CAPZA1: variants seen among roughly 807,000 people sequenced by gnomAD.
The protein encoded by CAPZA1 is F-actin-capping protein subunit alpha-1.
A neutral mutation model predicts 40.8 loss-of-function variants in CAPZA1; 10 were observed. The ratio of observed to expected loss-of-function variants is 0.25; its 90% CI spans 0.15 to 0.42. CAPZA1 has a LOEUF of 0.42. Ranked by LOEUF, CAPZA1 falls within the 10% of genes least tolerant of loss-of-function variation. CAPZA1 has a pLI of 1.00. For synonymous variants in CAPZA1, 98 were observed against 115.0 expected (o/e 0.85, Z 0.95); for missense variants, 277 against 353.8 (o/e 0.78, Z 1.74).
At chr1:112,669,935 T>C (rs563996968) in intron 9 of CAPZA1, 57 bp from the exon 10 acceptor site, 1 of 1,600,374 alleles carries the variant, frequency 6.2e-7, no homozygotes, top group African/African-American at 1.3e-5. Context: ...ATTACTTTTC[T>C]GTTCACAACC....
intron 7 of CAPZA1, among the ~76,000 whole-genome samples, chr1:112,664,859 G>T (rs974909788): frequency 6.6e-6 from 1 of 152,042 alleles, no homozygotes; most frequent in Admixed American, 6.6e-5. Flanking sequence ...CACTTAAAGC[G>T]GGGAATCGGA....
chr1:112,639,981 C>A (rs1671108586), intron 1 of CAPZA1, among the ~76,000 whole-genome samples: 1 of 133,632 alleles, frequency 7.5e-6, no homozygotes, highest in African/African-American at 2.8e-5. Context: ...CAGCCCCCCG[C>A]CCGGCCAGCC....
At chr1:112,628,672 C>G (rs1247523581) in intron 1 of CAPZA1, among the ~76,000 whole-genome samples, 1 of 152,194 alleles carries the variant, frequency 6.6e-6, no homozygotes, top group Non-Finnish European at 1.5e-5. Context: ...CATTTGTTAT[C>G]ACATTACTAG....
At chr1:112,629,561 A>T (rs116811825) in intron 1 of CAPZA1, among the ~76,000 whole-genome samples, 1 of 152,134 alleles carries the variant, frequency 6.6e-6, no homozygotes, top group Non-Finnish European at 1.5e-5. Flanking sequence ...TCTTGATTTC[A>T]TTGTTAACTC....
intron 1 of CAPZA1, among the ~76,000 whole-genome samples, chr1:112,645,040 T>C (rs1004013529): frequency 2.0e-5 from 3 of 152,220 alleles, no homozygotes; most frequent in African/African-American, 4.8e-5. Context: ...CCTCAGAATA[T>C]AGCACTGAGT....
intron 8 of CAPZA1, among the ~76,000 whole-genome samples, chr1:112,668,981 C>CT (rs762738554): frequency 3.3e-5 from 5 of 152,226 alleles, no homozygotes; most frequent in Non-Finnish European, 7.3e-5. Flanking sequence ...ATCCTACCCT[C>CT]TTCCCTTTAA....
At chr1:112,667,738 C>T (rs900149730) in intron 8 of CAPZA1, among the ~76,000 whole-genome samples, 1 of 151,982 alleles carries the variant, frequency 6.6e-6, no homozygotes, top group Admixed American at 6.6e-5. Context: ...TTCTATGTTG[C>T]TGAGGCTGGT....
intron 7 of CAPZA1, among the ~76,000 whole-genome samples, chr1:112,660,221 G>A (rs184117098): frequency 6.6e-6 from 1 of 152,050 alleles, no homozygotes; most frequent in Admixed American, 6.6e-5. Flanking sequence ...AGAATGGCAG[G>A]TGTTTTGGAA....
At chr1:112,637,553 T>G (rs1671046110) in intron 1 of CAPZA1, among the ~76,000 whole-genome samples, 1 of 152,232 alleles carries the variant, frequency 6.6e-6, no homozygotes, top group Non-Finnish European at 1.5e-5. Flanking sequence ...GCTCAAGTGA[T>G]CCTCCTGCCT....
At chr1:112,640,450 C>A (rs368847117) in intron 1 of CAPZA1, among the ~76,000 whole-genome samples, 2,633 of 130,776 alleles carry the variant, frequency 0.02, 53 homozygotes, top group Middle Eastern at 0.034. Context: ...AAGTGAGGAG[C>A]CCCTCTGCCC....
intron 1 of CAPZA1, among the ~76,000 whole-genome samples, chr1:112,631,659 CA>C (rs1431583263): frequency 6.6e-6 from 1 of 152,210 alleles, no homozygotes; most frequent in African/African-American, 2.4e-5. Context: ...TTTACCCTTT[CA>C]AACTTGACAT....
intron 8 of CAPZA1, among the ~76,000 whole-genome samples, chr1:112,668,728 C>T (rs577911595): frequency 1.1e-4 from 16 of 152,248 alleles, no homozygotes; most frequent in Admixed American, 7.2e-4. Context: ...TCACCTGCCT[C>T]GGCCTCCCAA....
chr1:112,660,284 T>C (rs1421582266), intron 7 of CAPZA1, among the ~76,000 whole-genome samples: 1 of 151,786 alleles, frequency 6.6e-6, no homozygotes, highest in African/African-American at 2.4e-5. Flanking sequence ...GATTGACTGA[T>C]TGATTGATTT....
intron 3 of CAPZA1, 107 bp from the exon 4 acceptor site, chr1:112,653,491 T>G: frequency 1.4e-6 from 1 of 738,306 alleles, no homozygotes; most frequent in Non-Finnish European, 2.2e-6. Flanking sequence ...TATTTTCACA[T>G]TTCCTTTCAC....
chr1:112,650,398 G>A (rs748224781), intron 3 of CAPZA1, among the ~76,000 whole-genome samples: 1 of 152,104 alleles, frequency 6.6e-6, no homozygotes, highest in Non-Finnish European at 1.5e-5. Context: ...AATTGTCATC[G>A]TGAATGATAC....
rs565782566 is a variant in CAPZA1 at position 112,638,418 on chromosome 1, A to C, written c.40-8792A>C. 2.6e-5 allele frequency among the ~76,000 whole-genome samples: 4 copies of C among 152,126 alleles called. No homozygotes were observed. The South Asian group carries it at 6.2e-4, about 24-fold the overall frequency. ...CAACCTCCGTCTCCTGGGTTCAAGC[A>C]GTTCTCCTGCCTCAGCCTCCCGAGT... On this transcript the variant is annotated intron_variant, in intron 1 of 9. Coordinates refer to ENST00000263168, the MANE Select transcript of CAPZA1 (RefSeq NM_006135.3).
rs1265644558 is a variant in CAPZA1, at chr1:112,640,412, G to A, written c.40-6798G>A. Among the ~76,000 whole-genome samples the A allele has an allele frequency of 2.5e-4, 29 of 115,772 alleles. 1 individual carries two copies. Among genetic ancestry groups the A allele is most frequent in the Non-Finnish European group, 1.3e-4 (7 of 55,214 alleles). 76.0% of individuals were successfully genotyped at this position (115,772 alleles called of 152,430 possible). A position where few individuals can be genotyped will look rare whatever the true frequency, so the allele number is the denominator to read the frequency against. On this transcript the variant is annotated intron_variant, in intron 1 of 9. Coordinates refer to ENST00000263168, the MANE Select transcript of CAPZA1 (RefSeq NM_006135.3). Reference sequence around the variant, plus strand: ...AGCCGCCCCGTCCGGGAGGTGAGGGGCGCCTCTGCCCGGCCGCCCCTACTG... The same window carrying A: ...AGCCGCCCCGTCCGGGAGGTGAGGGACGCCTCTGCCCGGCCGCCCCTACTG...
intron 6 of CAPZA1, chr1:112,659,355 G>A (rs1162104571): frequency 1.8e-6 from 1 of 540,780 alleles, no homozygotes; most frequent in Non-Finnish European, 3.3e-6. Flanking sequence ...CTTGGCTTAG[G>A]GTTACTGCTA....
intron 8 of CAPZA1, among the ~76,000 whole-genome samples, chr1:112,668,312 A>G (rs1325208695): frequency 6.6e-6 from 1 of 152,140 alleles, no homozygotes; most frequent in African/African-American, 2.4e-5. Context: ...GAAGTGTTAA[A>G]ACTATTCGTT....
Sources: allele counts gnomAD v4.1 joint callset (sites outside exome capture counted in the v4.1 genomes callset), GRCh38; gene constraint gnomAD v4.1.1; transcripts MANE v1.5; gene names NCBI Gene and HGNC (gene_info 2026-07-23, HGNC 2026-07-21).